Variants in SEMA6D observed in about 807,000 individuals in gnomAD.
SEMA6D encodes semaphorin-6D.
Under a neutral mutation model 106.6 loss-of-function variants are expected in SEMA6D, and 35 were observed. The ratio of observed to expected loss-of-function variants is 0.33; its 90% CI spans 0.25 to 0.44. The LOEUF (loss-of-function observed/expected upper bound fraction) is 0.44. Ranked by LOEUF, SEMA6D falls within the 20% of genes least tolerant of loss-of-function variation. SEMA6D has a pLI of 1.00. For synonymous variants in SEMA6D, 499 were observed against 487.7 expected, an observed-to-expected ratio of 1.02 and a Z score of -0.31; for missense variants, 1,185 against 1,345.9, an observed-to-expected ratio of 0.88 and a Z score of 1.87.
intron 4 of SEMA6D, among the ~76,000 whole-genome samples, chr15:47,678,961 A>AGATATTTTC (rs1413519271): frequency 1.7e-4 from 26 of 152,286 alleles, no homozygotes; most frequent in African/African-American, 6.0e-4. Context: ...CTGACTCCAA[A>AGATATTTTC]TGTCAGCTAT....
At chr15:47,616,436 C>G (rs2144051433) in intron 4 of SEMA6D, among the ~76,000 whole-genome samples, 1 of 152,232 alleles carries the variant, frequency 6.6e-6, no homozygotes, top group African/African-American at 2.4e-5. Context: ...TCCCAAAGTG[C>G]TGGAATTACA....
At chr15:47,506,149 C>G (rs533927565) in intron 3 of SEMA6D, among the ~76,000 whole-genome samples, 16 of 152,222 alleles carry the variant, frequency 1.1e-4, no homozygotes, top group African/African-American at 3.4e-4. Context: ...AGAGTATAAC[C>G]CTTCGCTGCT....
chr15:47,523,210 G>T (rs1235978643), intron 3 of SEMA6D, among the ~76,000 whole-genome samples: 1 of 152,208 alleles, frequency 6.6e-6, no homozygotes, highest in African/African-American at 2.4e-5. Flanking sequence ...AAGGCTCCTA[G>T]AGATGGAAGA....
At chr15:47,564,630 A>G (rs1869368263) in intron 3 of SEMA6D, among the ~76,000 whole-genome samples, 1 of 152,200 alleles carries the variant, frequency 6.6e-6, no homozygotes, top group Non-Finnish European at 1.5e-5. Flanking sequence ...GCTAGCCTAG[A>G]TACTGATAGG....
chr15:47,680,993 A>C (rs2078340822), intron 4 of SEMA6D, among the ~76,000 whole-genome samples: 1 of 152,208 alleles, frequency 6.6e-6, no homozygotes, highest in African/African-American at 2.4e-5. Flanking sequence ...TGGGAATGTA[A>C]AATGTTGTTG....
intron 1 of SEMA6D, among the ~76,000 whole-genome samples, chr15:47,729,657 C>T (rs1028477426): frequency 2.6e-5 from 4 of 152,178 alleles, no homozygotes; most frequent in African/African-American, 9.7e-5. Flanking sequence ...CCCACAGAGG[C>T]CAATCAGAAA....
At chr15:47,484,619 T>C (rs2043245284) in intron 3 of SEMA6D, among the ~76,000 whole-genome samples, 2 of 152,168 alleles carry the variant, frequency 1.3e-5, no homozygotes, top group African/African-American at 4.8e-5. Context: ...ATGAATTTAA[T>C]ATTTTATCCC....
intron 1 of SEMA6D, among the ~76,000 whole-genome samples, chr15:47,364,394 A>G: frequency 6.6e-6 from 1 of 152,180 alleles, no homozygotes; most frequent in Non-Finnish European, 1.5e-5. Context: ...GTCACTCGAA[A>G]GATGCCAGAG....
intron 3 of SEMA6D, among the ~76,000 whole-genome samples, chr15:47,494,492 C>T (rs910446593): frequency 2.0e-5 from 3 of 151,498 alleles, no homozygotes; most frequent in Non-Finnish European, 2.9e-5. Flanking sequence ...TTTTTCTGTA[C>T]TGAAATTCAG....
intron 1 of SEMA6D, among the ~76,000 whole-genome samples, chr15:47,238,403 A>AC (rs2032692160): frequency 6.6e-6 from 1 of 151,850 alleles, no homozygotes; most frequent in Non-Finnish European, 1.5e-5. Flanking sequence ...TTGACCCCTC[A>AC]CCCCCCAGAG....
intron 4 of SEMA6D, among the ~76,000 whole-genome samples, chr15:47,616,549 T>G (rs1349334942): frequency 2.0e-5 from 3 of 146,676 alleles, no homozygotes; most frequent in African/African-American, 5.1e-5. Context: ...GTATAAGAAT[T>G]ATTGACTGTA....
At chr15:47,425,274 G>T (rs1235007999) in intron 2 of SEMA6D, among the ~76,000 whole-genome samples, 2 of 152,058 alleles carry the variant, frequency 1.3e-5, no homozygotes, top group African/African-American at 2.4e-5. Context: ...TTTCCTCAGC[G>T]AGATAGGGGA....
rs539798380 is a variant in SEMA6D at position 47,724,146 on chromosome 15, TG to T, written c.-55+6457del. Among the ~76,000 whole-genome samples, 28 of 152,358 alleles carry T rather than the reference TG, an allele frequency of 1.8e-4. No homozygotes were observed. In the South Asian group the frequency reaches 5.4e-3, roughly 29 times the overall value. ...TATCAGTAAGTCTTCAGGCCTCCTC[TG>T]GGTAATTGGTGGATCAAATAAAGAT... is the stretch of plus-strand genomic sequence containing the variant. On this transcript the variant is annotated intron_variant, in intron 1 of 18. Transcript: ENST00000536845.
intron 4 of SEMA6D, among the ~76,000 whole-genome samples, chr15:47,700,666 T>C (rs965595715): frequency 1.2e-4 from 19 of 152,188 alleles, no homozygotes; most frequent in African/African-American, 4.6e-4. Flanking sequence ...GGCATGCACC[T>C]GTAGTCCTTG....
intron 4 of SEMA6D, among the ~76,000 whole-genome samples, chr15:47,644,891 C>T (rs1367040902): frequency 6.6e-6 from 1 of 152,060 alleles, no homozygotes; most frequent in Non-Finnish European, 1.5e-5. Context: ...TTTTGGGGGC[C>T]TGATTTAGTC....
intron 1 of SEMA6D, among the ~76,000 whole-genome samples, chr15:47,744,866 G>A (rs2081036237): frequency 6.6e-6 from 1 of 152,116 alleles, no homozygotes; most frequent in African/African-American, 2.4e-5. Flanking sequence ...TTCAATGCAG[G>A]CACCAAACTC....
intron 3 of SEMA6D, among the ~76,000 whole-genome samples, chr15:47,513,126 A>G (rs1220820942): frequency 6.6e-6 from 1 of 152,122 alleles, no homozygotes; most frequent in Non-Finnish European, 1.5e-5. Flanking sequence ...AAATGGGGAA[A>G]TTATGGGGCA....
At chr15:47,444,650 A>G (rs2041976135) in intron 2 of SEMA6D, among the ~76,000 whole-genome samples, 1 of 152,138 alleles carries the variant, frequency 6.6e-6, no homozygotes, top group Admixed American at 6.5e-5. Context: ...AAAATTATAA[A>G]GATTTTCATC....
In SEMA6D at chr15:47,759,891, T is replaced by A. The variant is rs747871159; in HGVS notation, c.93T>A (p.Asn31Lys). 2.5e-6 allele frequency: 4 copies of A among 1,611,370 alleles called. No individual in the cohort carries two copies. The highest frequency in any genetic ancestry group is 3.4e-6 in the Non-Finnish European group (4 of 1,177,574). Residue 31 changes from asparagine (N) to lysine (K), a missense_variant, in exon 2 of 19, where the codon AAT (asparagine) becomes AAA (lysine). Asn to Lys is a moderately conservative substitution (Grantham distance 94). Coordinates refer to ENST00000536845, the MANE Select transcript of SEMA6D (RefSeq NM_001358351.3). The stretch of plus-strand genomic sequence containing the variant: ...TTCCTGAAGATGATGAACCCCTTAA[T>A]ACTGTCGACTATCACTGTAAGTCGT... ...VSFPEDDEPL[N>K]TVDYHYSRQY...
Sources: allele counts gnomAD v4.1 joint callset (sites outside exome capture counted in the v4.1 genomes callset), GRCh38; gene constraint gnomAD v4.1.1; transcripts MANE v1.5; gene names NCBI Gene and HGNC (gene_info 2026-07-23, HGNC 2026-07-21).